PCDHA2: variants seen among roughly 807,000 people sequenced by gnomAD.
PCDHA2 encodes the protein protocadherin alpha-2.
In PCDHA2, 58 loss-of-function variants were observed where a neutral mutation model predicts 66.0. The ratio of observed to expected loss-of-function variants is 0.88; its 90% CI spans 0.71 to 1.09. The LOEUF (loss-of-function observed/expected upper bound fraction) is 1.09. Among genes scored for constraint, PCDHA2 ranks in the 50% least tolerant of loss-of-function variants. The pLI is 0.00. For missense variants in PCDHA2, 1,267 were observed against 1,242.3 expected (o/e 1.02, Z -0.30); for synonymous variants, 634 against 554.0 (o/e 1.14, Z -2.03).
chr5:140,955,839 A>G (rs527318905), intron 1 of PCDHA2, among the ~76,000 whole-genome samples: 8 of 152,162 alleles, frequency 5.3e-5, no homozygotes, highest in African/African-American at 1.9e-4. Flanking sequence ...GTGGTTTGTC[A>G]TTCTCCTTGA....
intron 1 of PCDHA2, among the ~76,000 whole-genome samples, chr5:140,941,255 CTCTT>C (rs1554214207): frequency 2.2e-4 from 10 of 44,514 alleles, no homozygotes; most frequent in East Asian, 7.5e-4. Flanking sequence ...TTCTTTCTTT[CTCTT>C]TCTTTCTTTC....
At chr5:140,809,486 A>G in intron 1 of PCDHA2, 1 of 1,614,232 alleles carries the variant, frequency 6.2e-7, no homozygotes, top group Non-Finnish European at 8.5e-7. Flanking sequence ...CCCACCCAAG[A>G]CCGACCTCAT....
chr5:140,801,847 G>A (rs1762798668), intron 1 of PCDHA2: 1 of 1,614,086 alleles, frequency 6.2e-7, no homozygotes, highest in Middle Eastern at 1.6e-4. Flanking sequence ...GCAATTGATG[G>A]TGGGAAACCA....
At chr5:140,876,630 C>T in intron 1 of PCDHA2, 2 of 1,614,226 alleles carry the variant, frequency 1.2e-6, no homozygotes, top group Non-Finnish European at 1.7e-6. Context: ...GACAGGTCAT[C>T]TGCTCACTGA....
At chr5:140,969,180 C>T in intron 1 of PCDHA2, 1 of 1,614,110 alleles carries the variant, frequency 6.2e-7, no homozygotes, top group Non-Finnish European at 8.5e-7. Context: ...GGGAGTGACA[C>T]TTTCATGTTT....
chr5:140,869,312 C>G (rs782161322), intron 1 of PCDHA2: 14 of 1,613,636 alleles, frequency 8.7e-6, no homozygotes, highest in Admixed American at 3.3e-5. Flanking sequence ...GCGTCCAAAA[C>G]ACATGGGGAC....
At chr5:140,822,871 A>C in intron 1 of PCDHA2, 1 of 1,614,204 alleles carries the variant, frequency 6.2e-7, no homozygotes. Flanking sequence ...TCCACTCAGC[A>C]CGGTCATTGC....
At chr5:140,920,662 G>A (rs2079759376) in intron 1 of PCDHA2, among the ~76,000 whole-genome samples, 1 of 152,044 alleles carries the variant, frequency 6.6e-6, no homozygotes, top group Admixed American at 6.6e-5. Context: ...TTGCCAACAT[G>A]GTGAAACCCC....
intron 1 of PCDHA2, chr5:140,875,324 C>T (rs2055413972): frequency 3.5e-6 from 5 of 1,426,162 alleles, no homozygotes; most frequent in East Asian, 5.0e-5. Context: ...CAATCATTCA[C>T]GGAATAGGAT....
At chr5:140,853,598 C>T (rs889899754) in intron 1 of PCDHA2, 2 of 986,878 alleles carry the variant, frequency 2.0e-6, no homozygotes, top group Non-Finnish European at 2.4e-6. Context: ...ACTTTGAGAG[C>T]AAAGGGGGTG....
At chr5:140,809,632 G>A (rs782493933) in intron 1 of PCDHA2, 33 of 1,502,364 alleles carry the variant, frequency 2.2e-5, no homozygotes, top group Non-Finnish European at 2.8e-5. Flanking sequence ...CAACTTCTTC[G>A]TAAATTTATT....
At chr5:140,901,433 A>G (rs1472475784) in intron 1 of PCDHA2, among the ~76,000 whole-genome samples, 2 of 152,104 alleles carry the variant, frequency 1.3e-5, no homozygotes, top group Non-Finnish European at 2.9e-5. Flanking sequence ...CTGCATATGG[A>G]TATCTAGTTT....
In PCDHA2 at chr5:141,011,003, C is replaced by T. The variant is rs748731648; in HGVS notation, c.*1066C>T. ...ATTGCCTGAAACATCTGTATTATAT[C>T]GGCCACCTGCCAATCACAGCTTTAC... On this transcript the variant is annotated 3_prime_UTR_variant, in exon 4 of 4. Coordinates refer to ENST00000526136, the MANE Select transcript of PCDHA2 (RefSeq NM_018905.3). 1 of 153,706 alleles carries T rather than the reference C, an allele frequency of 6.5e-6. No individual in the cohort carries two copies. The highest frequency in any genetic ancestry group is 2.1e-4 in the South Asian group (1 of 4,816). 9.5% of individuals were successfully genotyped at this position (153,706 alleles called of 1,614,324 possible).
At chr5:140,993,460 T>TCCCACACA (rs1554253699) in intron 3 of PCDHA2, among the ~76,000 whole-genome samples, 2 of 104,506 alleles carry the variant, frequency 1.9e-5, no homozygotes, top group African/African-American at 7.8e-5. Flanking sequence ...CTTCTTTCTT[T>TCCCACACA]CTCACACACA....
chr5:140,831,520 C>CTTTTTTT (rs35178185), intron 1 of PCDHA2, among the ~76,000 whole-genome samples: 11 of 122,404 alleles, frequency 9.0e-5, no homozygotes, highest in Non-Finnish European at 1.6e-4. Context: ...TGCCCCCCAC[C>CTTTTTTT]TTTTTTTTTT....
At chr5:140,950,559 T>TAA (rs1381352344) in intron 1 of PCDHA2, among the ~76,000 whole-genome samples, 1 of 152,076 alleles carries the variant, frequency 6.6e-6, no homozygotes, top group African/African-American at 2.4e-5. Flanking sequence ...GGGGGACACT[T>TAA]ATTTTAAGGT....
At chr5:140,876,140 C>G in intron 1 of PCDHA2, 1 of 1,613,944 alleles carries the variant, frequency 6.2e-7, no homozygotes, top group Non-Finnish European at 8.5e-7. Context: ...CCAGAACTAA[C>G]AGGGTCTGTC....
At chr5:140,894,997 T>C (rs566489828) in intron 1 of PCDHA2, among the ~76,000 whole-genome samples, 4 of 152,178 alleles carry the variant, frequency 2.6e-5, no homozygotes, top group Non-Finnish European at 5.9e-5. Flanking sequence ...TCCTTTACCC[T>C]TTTTACTTGG....
rs782098586 is a variant in PCDHA2, at chr5:140,796,901, G to A, written c.1937G>A (p.Arg646His). 1 of 1,613,776 alleles carries A rather than the reference G, an allele frequency of 6.2e-7. No individual in the cohort carries two copies. Among genetic ancestry groups the A allele is most frequent in the Non-Finnish European group, 8.5e-7 (1 of 1,179,978 alleles). The part of the protein sequence containing the change: ...ALDEADSPRH[R>H]LLVLVKDHGE... Reference sequence around the variant, plus strand: ...GACGAGGCTGACTCCCCTCGACACCGCCTACTCGTGCTGGTGAAGGACCAC... The same window carrying A: ...GACGAGGCTGACTCCCCTCGACACCACCTACTCGTGCTGGTGAAGGACCAC... The change falls in exon 1 of 4, where the codon CGC becomes CAC. Residue 646 changes from arginine to histidine, a missense_variant. By Grantham distance (29) the Arg-to-His change is conservative. Coordinates refer to ENST00000526136, the MANE Select transcript of PCDHA2 (RefSeq NM_018905.3).
Sources: allele counts gnomAD v4.1 joint callset (sites outside exome capture counted in the v4.1 genomes callset), GRCh38; gene constraint gnomAD v4.1.1; transcripts MANE v1.5; gene names NCBI Gene and HGNC (gene_info 2026-07-23, HGNC 2026-07-21).